Variants in KAZN observed in about 807,000 individuals in gnomAD.
KAZN encodes the protein kazrin.
Under a neutral mutation model 87.4 loss-of-function variants are expected in KAZN, and 40 were observed. The ratio of observed to expected loss-of-function variants is 0.46; its 90% CI spans 0.36 to 0.60. The LOEUF (loss-of-function observed/expected upper bound fraction) is 0.60. KAZN is among the 20% of genes least tolerant of loss of function. The probability of loss-of-function intolerance (pLI) is 0.00; values close to 1 mark genes in which losing one functional copy is unlikely to be tolerated. For missense variants in KAZN, 898 were observed against 1,073.9 expected, an observed-to-expected ratio of 0.84 and a Z score of 2.29; for synonymous variants, 466 against 458.3, an observed-to-expected ratio of 1.02 and a Z score of -0.22.
chr1:14,967,826 G>A (rs774134981), intron 2 of KAZN, among the ~76,000 whole-genome samples: 2 of 152,206 alleles, frequency 1.3e-5, no homozygotes, highest in African/African-American at 2.4e-5. Context: ...GCCAACACCA[G>A]GGTTTTAGCC....
chr1:14,425,348 G>A (rs144037027), intron 2 of KAZN, among the ~76,000 whole-genome samples: 20 of 152,290 alleles, frequency 1.3e-4, no homozygotes, highest in African/African-American at 4.6e-4. Context: ...GGCTCCAGCT[G>A]CAGTGTCCTC....
At chr1:14,107,961 A>G (rs926306193) in intron 1 of KAZN, among the ~76,000 whole-genome samples, 2 of 152,060 alleles carry the variant, frequency 1.3e-5, no homozygotes, top group African/African-American at 4.8e-5. Context: ...CTCATCTACC[A>G]AGTGAGGGGA....
Position 14,194,617 on chromosome 1 carries a change from G to T in KAZN, c.249+14025G>T, listed in dbSNP as rs1646489386. Among the ~76,000 whole-genome samples the T allele has an allele frequency of 1.3e-5, 2 of 152,172 alleles. 1 individual carries two copies. The highest frequency in any genetic ancestry group is 4.1e-4 in the South Asian group (2 of 4,824). Reference sequence around the variant, plus strand: ...TGCATTTGGAGGGAGGAAAGACTCTGGGAAAGTACAGTGTTTTTCATGAAG... The same window carrying T: ...TGCATTTGGAGGGAGGAAAGACTCTTGGAAAGTACAGTGTTTTTCATGAAG... On this transcript the variant is annotated intron_variant, in intron 2 of 16. Transcript: ENST00000636203.
At chr1:14,094,745 A>G (rs1389422281) in intron 1 of KAZN, among the ~76,000 whole-genome samples, 1 of 152,078 alleles carries the variant, frequency 6.6e-6, no homozygotes, top group Non-Finnish European at 1.5e-5. Context: ...CATGGGAGAG[A>G]GGTTCTTTCT....
At chr1:14,978,378 G>A (rs1285229936) in intron 2 of KAZN, among the ~76,000 whole-genome samples, 1 of 151,864 alleles carries the variant, frequency 6.6e-6, no homozygotes, top group African/African-American at 2.4e-5. Context: ...CATCTGGATT[G>A]TCAAAAGCAT....
At chr1:14,624,809 C>T (rs16850611) in intron 1 of KAZN, among the ~76,000 whole-genome samples, 2,584 of 152,180 alleles carry the variant, frequency 0.017, 84 homozygotes, top group African/African-American at 0.058. Context: ...TGGTAATTAA[C>T]ACGTCAAGTG....
intron 1 of KAZN, among the ~76,000 whole-genome samples, chr1:14,903,608 G>A (rs147510608): frequency 2.9e-3 from 446 of 152,312 alleles, no homozygotes; most frequent in Middle Eastern, 6.8e-3. Context: ...TTGTTTCCTT[G>A]TGGCTAAAGA....
chr1:14,285,668 G>T (rs1407520016), intron 2 of KAZN, among the ~76,000 whole-genome samples: 1 of 152,228 alleles, frequency 6.6e-6, no homozygotes, highest in African/African-American at 2.4e-5. Context: ...ACAGGGCCCT[G>T]TGCTTGGAAA....
intron 1 of KAZN, among the ~76,000 whole-genome samples, chr1:14,147,452 CAG>C (rs1482754042): frequency 6.6e-6 from 1 of 152,110 alleles, no homozygotes; most frequent in East Asian, 1.9e-4. Flanking sequence ...ATTAATGAAA[CAG>C]TGTTGATAAT....
At chr1:14,445,158 TG>T (rs1440542175) in intron 2 of KAZN, among the ~76,000 whole-genome samples, 1 of 152,066 alleles carries the variant, frequency 6.6e-6, no homozygotes, top group Non-Finnish European at 1.5e-5. Flanking sequence ...CCCAAGTAGC[TG>T]GGATTACAGG....
intron 2 of KAZN, among the ~76,000 whole-genome samples, chr1:14,228,410 C>G (rs1350866167): frequency 6.6e-6 from 1 of 152,054 alleles, no homozygotes; most frequent in Non-Finnish European, 1.5e-5. Context: ...TTTGATTTTT[C>G]TCCTAGACCT....
At chr1:14,818,823 G>A (rs1646651964) in intron 1 of KAZN, among the ~76,000 whole-genome samples, 1 of 152,184 alleles carries the variant, frequency 6.6e-6, no homozygotes, top group African/African-American at 2.4e-5. Flanking sequence ...GGGAGGCCGA[G>A]GCAGGTGGAT....
intron 1 of KAZN, among the ~76,000 whole-genome samples, chr1:14,016,604 C>G (rs904032071): frequency 6.6e-6 from 1 of 152,040 alleles, no homozygotes; most frequent in African/African-American, 2.4e-5. Context: ...CTCGGAGGCT[C>G]ACTTTGGGAT....
At chr1:14,173,111 C>G (rs1339369) in intron 1 of KAZN, among the ~76,000 whole-genome samples, 2 of 152,034 alleles carry the variant, frequency 1.3e-5, no homozygotes, top group African/African-American at 4.8e-5. Context: ...GGAGGGGATT[C>G]TGACCTTATT....
At chr1:14,502,919 A>G (rs1236460448) in intron 2 of KAZN, among the ~76,000 whole-genome samples, 12 of 152,208 alleles carry the variant, frequency 7.9e-5, no homozygotes, top group Non-Finnish European at 1.5e-4. Context: ...GACAGCCAGA[A>G]CTTTCACTTC....
intron 1 of KAZN, among the ~76,000 whole-genome samples, chr1:14,797,887 G>T (rs1401887565): frequency 6.6e-6 from 1 of 152,180 alleles, no homozygotes; most frequent in Non-Finnish European, 1.5e-5. Context: ...ACACTTAAAA[G>T]ATGCCAGCTC....
chr1:14,720,747 C>G (rs1217876258), intron 1 of KAZN, among the ~76,000 whole-genome samples: 1 of 152,150 alleles, frequency 6.6e-6, no homozygotes, highest in Non-Finnish European at 1.5e-5. Context: ...GATGGAGTCT[C>G]ACTCTGTCGC....
chr1:14,166,264 G>A (rs2100232273), intron 1 of KAZN, among the ~76,000 whole-genome samples: 1 of 152,328 alleles, frequency 6.6e-6, no homozygotes, highest in Non-Finnish European at 1.5e-5. Context: ...GCAGTGAGCT[G>A]AGATTGTGCC....
chr1:14,712,955 G>A (rs2100218266), intron 1 of KAZN, among the ~76,000 whole-genome samples: 1 of 152,252 alleles, frequency 6.6e-6, no homozygotes, highest in African/African-American at 2.4e-5. Context: ...CCCTATAGAT[G>A]CTCATGTATC....
Sources: allele counts gnomAD v4.1 joint callset (sites outside exome capture counted in the v4.1 genomes callset), GRCh38; gene constraint gnomAD v4.1.1; transcripts MANE v1.5; gene names NCBI Gene and HGNC (gene_info 2026-07-23, HGNC 2026-07-21).